Variants in PCNT observed in about 807,000 individuals in gnomAD.
The protein encoded by PCNT is kendrin.
A neutral mutation model predicts 380.4 loss-of-function variants in PCNT; 319 were observed. The observed-to-expected ratio is 0.84, with a 90% CI of 0.77 to 0.92. The LOEUF is 0.92. Among genes scored for constraint, PCNT ranks in the 40% least tolerant of loss-of-function variants. The pLI, the probability that PCNT is intolerant of heterozygous loss-of-function variation, is 0.00. For missense variants in PCNT, 4,400 were observed against 4,255.3 expected (o/e 1.03, Z -0.95); for synonymous variants, 1,845 against 1,735.2 (o/e 1.06, Z -1.57).
chr21:46,428,677 T>G, intron 35 of PCNT, 87 bp downstream of exon 35: 5 of 1,207,282 alleles, frequency 4.1e-6, no homozygotes, highest in Non-Finnish European at 5.9e-6. Flanking sequence ...GAGCAGAGGG[T>G]GGTGACAGGG....
At chr21:46,369,229 G>C (rs1005433912) in intron 15 of PCNT, among the ~76,000 whole-genome samples, 1 of 152,190 alleles carries the variant, frequency 6.6e-6, no homozygotes, top group African/African-American at 2.4e-5. Context: ...CTGGGGATGT[G>C]TTTTGTTTGT....
At position 46,351,427 on chromosome 21, in the gene PCNT, A is replaced by G; in HGVS notation, c.1345-2A>G. ...TTCACCTGGACACTTTGCTTTTTCCAGTTAGAGAATCTTCAAGCATCATAT... is the reference window on the plus strand; with the variant it reads ...TTCACCTGGACACTTTGCTTTTTCCGGTTAGAGAATCTTCAAGCATCATAT... On this transcript the variant is annotated splice_acceptor_variant, in intron 8 of 46. Transcript: ENST00000359568. LOFTEE classifies it high-confidence loss of function. The G allele has an allele frequency of 1.3e-6, 2 of 1,572,666 alleles. No homozygotes were observed. Among genetic ancestry groups the G allele is most frequent in the Non-Finnish European group, 1.8e-6 (2 of 1,142,208 alleles).
intron 15 of PCNT, among the ~76,000 whole-genome samples, chr21:46,374,362 C>T (rs2085262924): frequency 6.6e-6 from 1 of 152,170 alleles, no homozygotes; most frequent in African/African-American, 2.4e-5. Flanking sequence ...TCATCACAAG[C>T]CCAGCCCACG....
At chr21:46,376,207 C>T (rs2085328599) in intron 15 of PCNT, among the ~76,000 whole-genome samples, 2 of 152,166 alleles carry the variant, frequency 1.3e-5, no homozygotes, top group African/African-American at 2.4e-5. Flanking sequence ...GGCCAGGCTC[C>T]GCAGGCTCTG....
At chr21:46,339,232 C>T (rs1040852200) in intron 3 of PCNT, among the ~76,000 whole-genome samples, 4 of 152,156 alleles carry the variant, frequency 2.6e-5, no homozygotes, top group Admixed American at 2.0e-4. Flanking sequence ...TATTTCCCTT[C>T]TTGAAAGCCT....
intron 13 of PCNT, among the ~76,000 whole-genome samples, chr21:46,359,764 GGCGT>G (rs1460309407): frequency 4.0e-5 from 6 of 151,800 alleles, no homozygotes; most frequent in Non-Finnish European, 5.9e-5. Context: ...TGGGTTTACA[GGCGT>G]GAGCCACCGT....
At position 46,388,903 on chromosome 21, in the gene PCNT, G is replaced by C. The variant is rs375765159; in HGVS notation, c.3607+19G>C. On this transcript the variant is annotated intron_variant, in intron 18 of 46. Transcript: ENST00000359568. This position sits in a 1 kb window ranked among gnomAD's most constrained non-coding sequence, Gnocchi z 4.2. ...TCGACAGGTGAGTGTGCCGGGACCAGCTGCCCAGCCCTGTGCTTGCAGCCC... is the reference window on the plus strand; with the variant it reads ...TCGACAGGTGAGTGTGCCGGGACCACCTGCCCAGCCCTGTGCTTGCAGCCC... The C allele has an allele frequency of 5.9e-5, 93 of 1,582,304 alleles. No individual in the cohort carries two copies. The highest frequency in any genetic ancestry group is 7.9e-5 in the Non-Finnish European group (92 of 1,170,340).
intron 40 of PCNT, 128 bp downstream of exon 40, chr21:46,437,209 G>A: frequency 1.5e-6 from 1 of 686,838 alleles, no homozygotes; most frequent in Non-Finnish European, 2.6e-6. Context: ...CTGAATTCAT[G>A]GTTGCTATCT....
At chr21:46,439,158 T>TCACA (rs940952453) in intron 41 of PCNT, among the ~76,000 whole-genome samples, 1 of 151,748 alleles carries the variant, frequency 6.6e-6, no homozygotes, top group African/African-American at 2.4e-5. Context: ...TCATACAAGT[T>TCACA]CACACACACA....
At position 46,402,435 on chromosome 21, in the gene PCNT, G is replaced by A; in HGVS notation, c.5067G>A (p.Gln1689=). 2 of 1,614,084 alleles carry A rather than the reference G, an allele frequency of 1.2e-6. No homozygotes were observed. The highest frequency in any genetic ancestry group is 1.7e-6 in the Non-Finnish European group (2 of 1,179,960). ...LNLKLDMQNS[Q]TAVSLRELEE... is the part of the protein sequence containing the mutation. ...TAAAATTGGACATGCAGAACAGCCAGACTGCTGTCAGCCTCAGAGAACTTG... is the reference window on the plus strand; with the variant it reads ...TAAAATTGGACATGCAGAACAGCCAAACTGCTGTCAGCCTCAGAGAACTTG... Residue 1689 remains glutamine, a synonymous_variant, in exon 27 of 47, where the codon CAG becomes CAA. Coordinates refer to ENST00000359568, the MANE Select transcript of PCNT (RefSeq NM_006031.6).
At chr21:46,343,259 C>T (rs1244479558) in intron 3 of PCNT, among the ~76,000 whole-genome samples, 1 of 152,152 alleles carries the variant, frequency 6.6e-6, no homozygotes, top group Non-Finnish European at 1.5e-5. Context: ...TCTCCCTTTT[C>T]AGTATAATGT....
chr21:46,425,276 C>T lies in PCNT; in HGVS notation c.7180-555C>T, dbSNP rs184958524. Among the ~76,000 whole-genome samples, 63 of 152,350 alleles carry T rather than the reference C, an allele frequency of 4.1e-4. No individual in the cohort carries two copies. Among genetic ancestry groups the T allele is most frequent in the Non-Finnish European group, 7.1e-4 (48 of 68,024 alleles). The stretch of plus-strand genomic sequence containing the variant: ...GGATAAAGCAGCCGCCTCGTGTTCA[C>T]AGACCTGTGGGCAGGGCCTGCTGGG... On this transcript the variant is annotated intron_variant, in intron 32 of 46. Transcript: ENST00000359568. This position sits in a 1 kb window ranked among gnomAD's most constrained non-coding sequence, Gnocchi z 4.2.
At chr21:46,336,337 G>A (rs2083734461) in intron 3 of PCNT, among the ~76,000 whole-genome samples, 1 of 152,134 alleles carries the variant, frequency 6.6e-6, no homozygotes, top group South Asian at 2.1e-4. Context: ...AGGCCTGGAA[G>A]CACAGTCTCT....
At chr21:46,421,947 C>A in intron 31 of PCNT, 23 bp from the exon 32 acceptor site, 1 of 1,613,334 alleles carries the variant, frequency 6.2e-7, no homozygotes, top group Non-Finnish European at 8.5e-7. Flanking sequence ...GTGGGTGGGA[C>A]CCTGACCCTG....
At chr21:46,439,306 G>A (rs770484720) in intron 41 of PCNT, among the ~76,000 whole-genome samples, 7 of 152,096 alleles carry the variant, frequency 4.6e-5, no homozygotes, top group African/African-American at 7.2e-5. Flanking sequence ...GAACCAGCCC[G>A]TCTGGGACCT....
chr21:46,351,188 C>T (rs1256841319), intron 8 of PCNT, among the ~76,000 whole-genome samples: 1 of 152,172 alleles, frequency 6.6e-6, no homozygotes, highest in Non-Finnish European at 1.5e-5. Flanking sequence ...CTGAGACAGA[C>T]CTGGAAGTTC....
Position 46,441,518 on chromosome 21 carries a change from AGGTGCCGAGCCAGTT to A in PCNT, c.9623+435_9623+449del, listed in dbSNP as rs540453960. 1.9e-3 allele frequency among the ~76,000 whole-genome samples: 283 copies of A among 152,292 alleles called. 2 individuals are homozygous for A. The highest frequency in any genetic ancestry group is 6.2e-3 in the African/African-American group (257 of 41,570). ...AGGAATCCCGCTCCTTTCAGAGACC[AGGTGCCGAGCCAGTT>A]CAGTCATCGCGGCTGCAGGCTGGGC... is the stretch of plus-strand genomic sequence containing the variant. On this transcript the variant is annotated intron_variant, in intron 43 of 46. Coordinates refer to ENST00000359568, the MANE Select transcript of PCNT (RefSeq NM_006031.6).
chr21:46,356,975 G>C lies in PCNT; in HGVS notation c.1938G>C (p.Glu646Asp), dbSNP rs372875556. The C allele has an allele frequency of 6.8e-6, 11 of 1,613,562 alleles. No homozygotes were observed. Among genetic ancestry groups the C allele is most frequent in the Non-Finnish European group, 9.3e-6 (11 of 1,179,836 alleles). The change falls in exon 13 of 47, where the codon GAG becomes GAC. Residue 646 changes from glutamate to aspartate, a missense_variant and splice_region_variant. By Grantham distance (45) the Glu-to-Asp change is conservative (BLOSUM62 2). Transcript: ENST00000359568. ...RLEPSEGHSQ[E>D]LPWVHLQGVQ... is the part of the protein sequence containing the mutation. ...CTTCCCTGCTCCTTTTCCACACAGAGCTTCCCTGGGTGCATCTCCAGGGTG... is the reference window on the plus strand; with the variant it reads ...CTTCCCTGCTCCTTTTCCACACAGACCTTCCCTGGGTGCATCTCCAGGGTG...
intron 15 of PCNT, 105 bp downstream of exon 15, chr21:46,367,244 C>T (rs545081440): frequency 4.1e-5 from 39 of 948,444 alleles, no homozygotes; most frequent in South Asian, 1.4e-4. Flanking sequence ...TGTGCCTGTG[C>T]GGGTGTCTGT....
Sources: allele counts gnomAD v4.1 joint callset (sites outside exome capture counted in the v4.1 genomes callset), GRCh38; gene constraint gnomAD v4.1.1; non-coding constraint Gnocchi (gnomAD v3.1); transcripts MANE v1.5; gene names NCBI Gene and HGNC (gene_info 2026-07-23, HGNC 2026-07-21).